Variants in SNTB2 observed in about 807,000 individuals in gnomAD.
SNTB2 encodes syntrophin beta 2.
Under a neutral mutation model 46.2 loss-of-function variants are expected in SNTB2, and 34 were observed. The ratio of observed to expected loss-of-function variants is 0.74; its 90% CI spans 0.56 to 0.98. SNTB2 has a LOEUF of 0.98. Ranked by LOEUF, SNTB2 falls within the 50% of genes least tolerant of loss-of-function variation. SNTB2 has a pLI of 0.00. For missense variants in SNTB2, 603 were observed against 731.4 expected (o/e 0.82, Z 2.02); for synonymous variants, 290 against 312.6 (o/e 0.93, Z 0.76).
At chr16:69,230,006 C>T (rs1240730202) in intron 1 of SNTB2, among the ~76,000 whole-genome samples, 1 of 151,862 alleles carries the variant, frequency 6.6e-6, no homozygotes, top group South Asian at 2.1e-4. Context: ...AGGCTGGTCT[C>T]GGACTCTTGG....
At chr16:69,216,692 C>A (rs942636254) in intron 1 of SNTB2, among the ~76,000 whole-genome samples, 13 of 151,514 alleles carry the variant, frequency 8.6e-5, no homozygotes, top group Admixed American at 2.6e-4. Flanking sequence ...TGCCCCCCCC[C>A]CAAAAAAAAA....
chr16:69,245,743 A>G lies in SNTB2; in HGVS notation c.722A>G (p.Lys241Arg). The G allele has an allele frequency of 6.2e-7, 1 of 1,614,144 alleles. No individual in the cohort carries two copies. Among genetic ancestry groups the G allele is most frequent in the Non-Finnish European group, 8.5e-7 (1 of 1,180,028 alleles). The change falls in exon 2 of 7, where the codon AAG becomes AGG. Residue 241 changes from lysine to arginine, a missense_variant. Around this residue, in one of 2 missense-constraint regions of SNTB2, gnomAD observed 537 missense variants for 692.4 expected, o/e 0.78. Coordinates refer to ENST00000336278, the MANE Select transcript of SNTB2 (RefSeq NM_006750.4). ...SGSPKHQNST[K>R]DRKIIPLKMC... ...TCGCCAAAACACCAGAACAGCACCAAGGACAGGAAGATCATCCCTCTCAAA... is the reference window on the plus strand; with the variant it reads ...TCGCCAAAACACCAGAACAGCACCAGGGACAGGAAGATCATCCCTCTCAAA...
intron 1 of SNTB2, among the ~76,000 whole-genome samples, chr16:69,223,441 T>C (rs1964426925): frequency 6.6e-6 from 1 of 152,100 alleles, no homozygotes; most frequent in Non-Finnish European, 1.5e-5. Flanking sequence ...GTAATGCACC[T>C]ACCTCAGCCT....
chr16:69,247,048 TA>T (rs957200003), intron 2 of SNTB2, among the ~76,000 whole-genome samples: 3,790 of 143,252 alleles, frequency 0.026, 43 homozygotes, highest in African/African-American at 0.036. Context: ...TAAAGTATAA[TA>T]AAAAAAATAT....
intron 1 of SNTB2, 143 bp downstream of exon 1, chr16:69,187,889 G>A: frequency 1.4e-6 from 1 of 694,068 alleles, no homozygotes; most frequent in Non-Finnish European, 2.2e-6. Flanking sequence ...TTTCAGTGTG[G>A]AAAAACGGAT....
intron 1 of SNTB2, among the ~76,000 whole-genome samples, chr16:69,233,082 A>G (rs1431472690): frequency 6.6e-6 from 1 of 152,208 alleles, no homozygotes; most frequent in Non-Finnish European, 1.5e-5. Flanking sequence ...ATAAACCTAA[A>G]TCACATCTTA....
intron 5 of SNTB2, among the ~76,000 whole-genome samples, chr16:69,295,587 G>A (rs1965216043): frequency 6.6e-6 from 1 of 152,038 alleles, no homozygotes; most frequent in African/African-American, 2.4e-5. Context: ...ATAAATTGGA[G>A]TGCATAGTGG....
chr16:69,212,619 G>A (rs752695550), intron 1 of SNTB2, among the ~76,000 whole-genome samples: 2 of 151,892 alleles, frequency 1.3e-5, no homozygotes, highest in Non-Finnish European at 2.9e-5. Flanking sequence ...TTACAGGCGT[G>A]AGCCACCGCG....
intron 3 of SNTB2, among the ~76,000 whole-genome samples, chr16:69,267,063 C>G (rs1964893703): frequency 1.3e-5 from 2 of 149,894 alleles, no homozygotes; most frequent in Admixed American, 1.3e-4. Context: ...GAGTCTCGCT[C>G]TGTTTCCAGG....
chr16:69,199,908 G>A (rs1964144134), intron 1 of SNTB2, among the ~76,000 whole-genome samples: 1 of 152,024 alleles, frequency 6.6e-6, no homozygotes, highest in Non-Finnish European at 1.5e-5. Context: ...TGCTATTACT[G>A]GGAAGACAGA....
At chr16:69,187,928 C>G (rs1377338064) in intron 1 of SNTB2, among the ~76,000 whole-genome samples, 182 bp downstream of exon 1, 1 of 152,126 alleles carries the variant, frequency 6.6e-6, no homozygotes, top group Non-Finnish European at 1.5e-5. Flanking sequence ...TGGGCAGCCG[C>G]CGAAGTGTGG....
chr16:69,279,402 C>A (rs1270954453), intron 4 of SNTB2, among the ~76,000 whole-genome samples: 2 of 151,376 alleles, frequency 1.3e-5, no homozygotes, highest in African/African-American at 4.9e-5. Flanking sequence ...ATTTAAGTTG[C>A]TTCCATCTCT....
chr16:69,294,793 G>A (rs1597204618), intron 5 of SNTB2, among the ~76,000 whole-genome samples: 1 of 151,576 alleles, frequency 6.6e-6, no homozygotes, highest in East Asian at 1.9e-4. Flanking sequence ...TTCCTCTCTT[G>A]ATACCTGAAG....
intron 2 of SNTB2, among the ~76,000 whole-genome samples, chr16:69,251,332 G>C (rs1213763477): frequency 8.6e-5 from 13 of 151,050 alleles, no homozygotes; most frequent in East Asian, 5.8e-4. Context: ...TGTGGAGTTA[G>C]TATTAATAAA....
At chr16:69,245,876 A>G in intron 2 of SNTB2, 61 bp downstream of exon 2, 2 of 1,510,294 alleles carry the variant, frequency 1.3e-6, no homozygotes, top group East Asian at 4.5e-5. Flanking sequence ...GACATGTTGC[A>G]GTATTATATG....
rs376169570 is a variant in SNTB2 at position 69,198,895 on chromosome 16, TG to T, written c.580+11150del. Among the ~76,000 whole-genome samples, 319 of 146,164 alleles carry T rather than the reference TG, an allele frequency of 2.2e-3. 1 individual carries two copies. Among genetic ancestry groups the T allele is most frequent in the South Asian group, 0.019 (84 of 4,508 alleles). ...TTGTCAGAGATTTAGAATATAATAA[TG>T]TTTTTTTTTTTTTTTTTTTGAGACA... On this transcript the variant is annotated intron_variant, in intron 1 of 6. Transcript: ENST00000336278.
At chr16:69,201,003 A>G (rs1288471826) in intron 1 of SNTB2, among the ~76,000 whole-genome samples, 2 of 152,346 alleles carry the variant, frequency 1.3e-5, no homozygotes, top group Non-Finnish European at 1.5e-5. Context: ...TTTATATGTC[A>G]CTGAAAACTC....
At chr16:69,188,139 A>C (rs1029915423) in intron 1 of SNTB2, among the ~76,000 whole-genome samples, 1 of 150,674 alleles carries the variant, frequency 6.6e-6, no homozygotes, top group African/African-American at 2.4e-5. Context: ...GGGCGGGTCT[A>C]TTAAAAAAAA....
intron 1 of SNTB2, among the ~76,000 whole-genome samples, chr16:69,199,100 G>T (rs1964135428): frequency 6.6e-6 from 1 of 151,950 alleles, no homozygotes; most frequent in Non-Finnish European, 1.5e-5. Context: ...TCTCCGTGTT[G>T]GTTAGGTAGG....
Sources: allele counts gnomAD v4.1 joint callset (sites outside exome capture counted in the v4.1 genomes callset), GRCh38; gene constraint gnomAD v4.1.1; regional missense constraint gnomAD v4.1.1; transcripts MANE v1.5; gene names NCBI Gene and HGNC (gene_info 2026-07-23, HGNC 2026-07-21).